NAGS: variants seen among roughly 807,000 people sequenced by gnomAD.
NAGS encodes N-acetylglutamate synthase, mitochondrial.
NAGS carries 34 observed loss-of-function variants against 46.9 expected under a neutral mutation model. The ratio of observed to expected loss-of-function variants is 0.72; its 90% CI spans 0.55 to 0.97. The LOEUF (loss-of-function observed/expected upper bound fraction) is 0.97, where lower values mean the gene tolerates loss of function less well. Ranked by LOEUF, NAGS falls within the 50% of genes least tolerant of loss-of-function variation. The pLI is 0.00. For missense variants in NAGS, 665 were observed against 747.0 expected, an observed-to-expected ratio of 0.89 and a Z score of 1.28; for synonymous variants, 334 against 346.3, an observed-to-expected ratio of 0.96 and a Z score of 0.39.
chr17:44,006,230 G>A lies in NAGS; in HGVS notation c.908G>A (p.Ser303Asn). ...AACACAGGCGGCCTGCGCGACAGCA[G>A]TCATAAGGTGCGGCCCTTTCTTTCA... ...LNNTGGLRDS[S>N]HKVLSNVNLP... The change falls in exon 3 of 7, where the codon AGT (serine) becomes AAT (asparagine). Residue 303 changes from serine (S) to asparagine (N), a missense_variant. Transcript: ENST00000293404. This position sits in a 1 kb window ranked among gnomAD's most constrained non-coding sequence, Gnocchi z 4.8. The A allele has an allele frequency of 6.2e-7, 1 of 1,613,154 alleles. No homozygotes were observed.
Position 44,007,255 on chromosome 17 carries a change from C to T in NAGS, c.1097-68C>T, listed in dbSNP as rs1375520176. ...AATTGTCCCACCAGCGCCTGTCCTA[C>T]CTGCAGTCCCCACCAGGCTGCGCAA... On this transcript the variant is annotated intron_variant, in intron 4 of 6. Coordinates refer to ENST00000293404, the MANE Select transcript of NAGS (RefSeq NM_153006.3). The surrounding 1 kb of genome is among the most constrained non-coding windows in gnomAD (Gnocchi z 5.1). 2.7e-6 allele frequency: 4 copies of T among 1,506,832 alleles called. No homozygotes were observed. Among genetic ancestry groups the T allele is most frequent in the Non-Finnish European group, 3.6e-6 (4 of 1,100,142 alleles). The allele number at this position is 1,506,832 out of a possible 1,614,324, so 93.3% of individuals were successfully genotyped here.
rs917552178 is a variant in NAGS at position 44,007,581 on chromosome 17, G to A, written c.1269-10G>A. On this transcript the variant is annotated splice_polypyrimidine_tract_variant and intron_variant, in intron 5 of 6. Transcript: ENST00000293404. This position sits in a 1 kb window ranked among gnomAD's most constrained non-coding sequence, Gnocchi z 5.1. ...AGAGGTCCCAGCCTGCCGCTCTCCCGCTGCGCCAGGTACAACGCCGCCGCC... is the reference window on the plus strand; with the variant it reads ...AGAGGTCCCAGCCTGCCGCTCTCCCACTGCGCCAGGTACAACGCCGCCGCC... 1 of 1,610,882 alleles carries A rather than the reference G, an allele frequency of 6.2e-7. No individual in the cohort carries two copies. The highest frequency in any genetic ancestry group is 8.5e-7 in the Non-Finnish European group (1 of 1,178,790).
Position 44,008,555 on chromosome 17 carries a change from G to A in NAGS, c.1559G>A (p.Gly520Glu), listed in dbSNP as rs779967046. The A allele has an allele frequency of 6.2e-7, 1 of 1,614,248 alleles. No homozygotes were observed. The highest frequency in any genetic ancestry group is 1.1e-5 in the South Asian group (1 of 91,086). ...DSYELVNHAKGLPDSFHKPAS... is the reference protein window; with the variant it reads ...DSYELVNHAKELPDSFHKPAS... ...TATGAGTTGGTCAACCACGCCAAGG[G>A]ACTGCCAGACTCCTTTCACAAGCCA... is the stretch of plus-strand genomic sequence containing the variant. The change falls in exon 7 of 7, where the codon GGA (glycine) becomes GAA (glutamate). Residue 520 changes from glycine (G) to glutamate (E), a missense_variant. Transcript: ENST00000293404.
At position 44,005,846 on chromosome 17, in the gene NAGS, C is replaced by T. The variant is rs767989838; in HGVS notation, c.636C>T (p.Ala212=). 6 of 1,562,760 alleles carry T rather than the reference C, an allele frequency of 3.8e-6. No homozygotes were observed. Among genetic ancestry groups the T allele is most frequent in the South Asian group, 3.5e-5 (3 of 85,178 alleles). Residue 212 remains alanine, a synonymous_variant, in exon 2 of 7, where the codon GCC becomes GCT. Transcript: ENST00000293404. This position sits in a 1 kb window ranked among gnomAD's most constrained non-coding sequence, Gnocchi z 7.2. ...TAGACGCGCTTCGACACAACGCCGC[C>T]GCTGCTGTGCCATTTTTTGGCGGCG... ...VLVDALRHNA[A]AAVPFFGGGS...
chr17:44,004,801 G>A lies in NAGS; in HGVS notation c.138G>A (p.Gly46=), dbSNP rs1245449968. 2.9e-6 allele frequency: 4 copies of A among 1,375,226 alleles called. No individual in the cohort carries two copies. Among genetic ancestry groups the A allele is most frequent in the Admixed American group, 3.5e-5 (1 of 28,654 alleles). 85.2% of individuals were successfully genotyped at this position (1,375,226 alleles called of 1,614,324 possible). Residue 46 remains glycine (G), a synonymous_variant, in exon 1 of 7, where the codon GGG becomes GGA. Coordinates refer to ENST00000293404, the MANE Select transcript of NAGS (RefSeq NM_153006.3). ...RRRAARGTSP[G]RRLSTAWSQP... is the part of the protein sequence containing the mutation. ...GGGCGGCGAGGGGCACCAGCCCGGG[G>A]CGCCGGCTCAGCACCGCCTGGTCGC...
Position 44,005,495 on chromosome 17 carries a change from G to C in NAGS, c.427-142G>C. On this transcript the variant is annotated intron_variant, in intron 1 of 6. Transcript: ENST00000293404. This position sits in a 1 kb window ranked among gnomAD's most constrained non-coding sequence, Gnocchi z 7.2. ...GCAAGACCCAACGGGGCAAAGGGCG[G>C]AGCAGGTGGGCACTGGTGGCCAGAA... 1.7e-6 allele frequency: 2 copies of C among 1,166,808 alleles called. No homozygotes were observed. Among genetic ancestry groups the C allele is most frequent in the Non-Finnish European group, 2.4e-6 (2 of 819,698 alleles). 72.3% of individuals were successfully genotyped at this position (1,166,808 alleles called of 1,614,324 possible).
At position 44,007,669 on chromosome 17, in the gene NAGS, C is replaced by T. The variant is rs759863903; in HGVS notation, c.1347C>T (p.Ser449=). 2 of 1,603,226 alleles carry T rather than the reference C, an allele frequency of 1.2e-6. No individual in the cohort carries two copies. Among genetic ancestry groups the T allele is most frequent in the East Asian group, 4.5e-5 (2 of 44,274 alleles). ...TPYLDKFVVS[S]SRQGQGSGQM... ...ACCTGGACAAATTTGTGGTGAGCTC[C>T]AGCCGCCAGGGCCAAGGCTCCGGCC... The change falls in exon 6 of 7, where the codon TCC becomes TCT. Residue 449 remains serine (S), a synonymous_variant. Coordinates refer to ENST00000293404, the MANE Select transcript of NAGS (RefSeq NM_153006.3). This position sits in a 1 kb window ranked among gnomAD's most constrained non-coding sequence, Gnocchi z 5.1.
rs780510141 is a variant in NAGS at position 44,004,728 on chromosome 17, G to A, written c.65G>A (p.Arg22Gln). ...GCTGTAGCCCCGAGGCTGAGAGGCC[G>A]GGGAGGCACTGGGGGCGCCCGAAGG... Reference protein sequence around the residue: ...AAAVAPRLRGRGGTGGARRLS... With the variant: ...AAAVAPRLRGQGGTGGARRLS... The change falls in exon 1 of 7, where the codon CGG (arginine) becomes CAG (glutamine). Residue 22 changes from arginine to glutamine, a missense_variant. Arg to Gln is a conservative substitution (Grantham distance 43, BLOSUM62 1). Coordinates refer to ENST00000293404, the MANE Select transcript of NAGS (RefSeq NM_153006.3). 5.4e-6 allele frequency: 8 copies of A among 1,488,430 alleles called. No homozygotes were observed. Among genetic ancestry groups the A allele is most frequent in the South Asian group, 1.4e-5 (1 of 72,628 alleles). 92.2% of individuals were successfully genotyped at this position (1,488,430 alleles called of 1,614,324 possible). A position where few individuals can be genotyped will look rare whatever the true frequency, so the allele number is the denominator to read the frequency against.
chr17:44,004,903 G>A lies in NAGS; in HGVS notation c.240G>A (p.Trp80Ter), dbSNP rs1160583311. The A allele has an allele frequency of 6.5e-7, 1 of 1,534,118 alleles. No individual in the cohort carries two copies. Among genetic ancestry groups the A allele is most frequent in the Admixed American group, 2.0e-5 (1 of 50,962 alleles). The change falls in exon 1 of 7, where the codon TGG becomes TGA. Residue 80 changes from tryptophan to a stop codon, truncating the protein, a stop_gained. Transcript: ENST00000293404. LOFTEE classifies it high-confidence loss of function. ...CGCCCGTCGCCGAGGAGCCGTCGTGGGTGCCGAGTCCCAGGCCCCCGGTGC... is the reference window on the plus strand; with the variant it reads ...CGCCCGTCGCCGAGGAGCCGTCGTGAGTGCCGAGTCCCAGGCCCCCGGTGC... ...SQSPVAEEPS[W>*]VPSPRPPVPH...
rs766125863 is a variant in NAGS at position 44,004,695 on chromosome 17, G to A, written c.32G>A (p.Arg11Gln). MATALMAVVL[R>Q]AAAVAPRLRG... ...ACGGCGCTGATGGCTGTGGTTCTGC[G>A]GGCAGCTGCTGTAGCCCCGAGGCTG... Residue 11 changes from arginine to glutamine, a missense_variant, in exon 1 of 7, where the codon CGG becomes CAG. Arg to Gln is a conservative substitution (Grantham distance 43). Coordinates refer to ENST00000293404, the MANE Select transcript of NAGS (RefSeq NM_153006.3). The A allele has an allele frequency of 2.0e-6, 3 of 1,530,354 alleles. No individual in the cohort carries two copies. Among genetic ancestry groups the A allele is most frequent in the South Asian group, 1.3e-5 (1 of 79,184 alleles). The allele number at this position is 1,530,354 out of a possible 1,614,324, so 94.8% of individuals were successfully genotyped here.
Position 44,006,268 on chromosome 17 carries a change from C to A in NAGS, c.915+31C>A, listed in dbSNP as rs2049090195. 6 of 1,606,328 alleles carry A rather than the reference C, an allele frequency of 3.7e-6. No individual in the cohort carries two copies. The highest frequency in any genetic ancestry group is 5.1e-6 in the Non-Finnish European group (6 of 1,176,410). ...GCCCTTTCTTTCACCTTCCCCCACG[C>A]CGGCGATCCGGGCCTTCTCTTGCGC... On this transcript the variant is annotated intron_variant, in intron 3 of 6. Transcript: ENST00000293404. The surrounding 1 kb of genome is among the most constrained non-coding windows in gnomAD (Gnocchi z 4.8).
chr17:44,006,967 T>C lies in NAGS; in HGVS notation c.1096+258T>C, dbSNP rs1293849682. 3 of 197,612 alleles carry C rather than the reference T, an allele frequency of 1.5e-5. No individual in the cohort carries two copies. The African/African-American group carries it at 1.5e-4, about 10-fold the overall frequency. 12.2% of individuals were successfully genotyped at this position (197,612 alleles called of 1,614,324 possible). A position where few individuals can be genotyped will look rare whatever the true frequency, so the allele number is the denominator to read the frequency against. On this transcript the variant is annotated intron_variant, in intron 4 of 6. Transcript: ENST00000293404. The surrounding 1 kb of genome is among the most constrained non-coding windows in gnomAD (Gnocchi z 4.8). ...GGGGGGAGAAGGAGGGGCCCCCCGGTGGGCGGGGCCAGGGGCGGGACCATA... is the reference window on the plus strand; with the variant it reads ...GGGGGGAGAAGGAGGGGCCCCCCGGCGGGCGGGGCCAGGGGCGGGACCATA...
At position 44,006,891 on chromosome 17, in the gene NAGS, C is replaced by CCAGT; in HGVS notation, c.1096+183_1096+186dup. 1.5e-6 allele frequency: 1 copy of CCAGT among 645,294 alleles called. No individual in the cohort carries two copies. The allele number at this position is 645,294 out of a possible 1,614,324, so 40.0% of individuals were successfully genotyped here. On this transcript the variant is annotated intron_variant, in intron 4 of 6. Transcript: ENST00000293404. This position sits in a 1 kb window ranked among gnomAD's most constrained non-coding sequence, Gnocchi z 4.8. The stretch of plus-strand genomic sequence containing the variant: ...CGGGGGAGGTGAGAGAGGAGGAGAC[C>CCAGT]CAGTGTACTGGAAGGGAACTCCGAA...
Position 44,006,366 on chromosome 17 carries a change from A to C in NAGS, c.915+129A>C. The C allele has an allele frequency of 2.8e-6, 4 of 1,448,856 alleles. No individual in the cohort carries two copies. Among genetic ancestry groups the C allele is most frequent in the Non-Finnish European group, 3.8e-6 (4 of 1,056,952 alleles). The allele number at this position is 1,448,856 out of a possible 1,614,324, so 89.8% of individuals were successfully genotyped here. On this transcript the variant is annotated intron_variant, in intron 3 of 6. Transcript: ENST00000293404. The surrounding 1 kb of genome is among the most constrained non-coding windows in gnomAD (Gnocchi z 4.8). ...TGGGTAGAAAAGCCTAAGGGAGTAT[A>C]GGGGAGGAGTTCAGCCCTGGGTGCC...
rs1483447934 is a variant in NAGS at position 44,007,445 on chromosome 17, T to C, written c.1219T>C (p.Tyr407His). ...CTTCGGCAAGAAGCTCAGGGACGACTACCTGGCCTCGCTGCGCCCGCGGCT... is the reference window on the plus strand; with the variant it reads ...CTTCGGCAAGAAGCTCAGGGACGACCACCTGGCCTCGCTGCGCCCGCGGCT... ...ASFGKKLRDD[Y>H]LASLRPRLHS... The change falls in exon 5 of 7, where the codon TAC (tyrosine) becomes CAC (histidine). Residue 407 changes from tyrosine to histidine, a missense_variant. By Grantham distance (83) the Tyr-to-His change is moderately conservative (BLOSUM62 2). Transcript: ENST00000293404. This position sits in a 1 kb window ranked among gnomAD's most constrained non-coding sequence, Gnocchi z 5.1. 1 of 1,613,894 alleles carries C rather than the reference T, an allele frequency of 6.2e-7. No homozygotes were observed. The highest frequency in any genetic ancestry group is 8.5e-7 in the Non-Finnish European group (1 of 1,180,004).
Position 44,007,977 on chromosome 17 carries a change from C to T in NAGS, c.1451+204C>T, listed in dbSNP as rs1407224714. 6.6e-6 allele frequency among the ~76,000 whole-genome samples: 1 copy of T among 152,104 alleles called. No homozygotes were observed. The highest frequency in any genetic ancestry group is 1.5e-5 in the Non-Finnish European group (1 of 68,010). On this transcript the variant is annotated intron_variant, in intron 6 of 6. Transcript: ENST00000293404. The surrounding 1 kb of genome is among the most constrained non-coding windows in gnomAD (Gnocchi z 5.1). ...CTCCTTTTCTGGCAGCAAGTGACAC[C>T]TCCTAAGCCCCACGCAGCCCACCTC...
In NAGS at chr17:44,007,137, T is replaced by C. The variant is rs2049104537; in HGVS notation, c.1097-186T>C. ...CAGGAGGAACTTGGGGCACAATCTCTGCCTGGGGAAAGCATCTCCTTGAAT... is the reference window on the plus strand; with the variant it reads ...CAGGAGGAACTTGGGGCACAATCTCCGCCTGGGGAAAGCATCTCCTTGAAT... On this transcript the variant is annotated intron_variant, in intron 4 of 6. Coordinates refer to ENST00000293404, the MANE Select transcript of NAGS (RefSeq NM_153006.3). The surrounding 1 kb of genome is among the most constrained non-coding windows in gnomAD (Gnocchi z 5.1). 1.6e-6 allele frequency: 1 copy of C among 641,616 alleles called. No individual in the cohort carries two copies. The highest frequency in any genetic ancestry group is 1.8e-5 in the African/African-American group (1 of 54,668). The allele number at this position is 641,616 out of a possible 1,614,324, so 39.7% of individuals were successfully genotyped here.
rs1421664939 is a variant in NAGS, at chr17:44,006,954, A to AG, written c.1096+249dup. ...ATGGGCGGGACTAGGGGGGAGAAGG[A>AG]GGGGCCCCCCGGTGGGCGGGGCCAG... On this transcript the variant is annotated intron_variant, in intron 4 of 6. Transcript: ENST00000293404. The surrounding 1 kb of genome is among the most constrained non-coding windows in gnomAD (Gnocchi z 4.8). The AG allele has an allele frequency of 1.3e-4, 22 of 165,066 alleles. No homozygotes were observed. Among genetic ancestry groups the AG allele is most frequent in the Admixed American group, 9.3e-4 (8 of 8,564 alleles). The allele number at this position is 165,066 out of a possible 1,614,324, so 10.2% of individuals were successfully genotyped here.
Position 44,005,377 on chromosome 17 carries a change from A to G in NAGS, c.427-260A>G, listed in dbSNP as rs960177287. On this transcript the variant is annotated intron_variant, in intron 1 of 6. Coordinates refer to ENST00000293404, the MANE Select transcript of NAGS (RefSeq NM_153006.3). The surrounding 1 kb of genome is among the most constrained non-coding windows in gnomAD (Gnocchi z 7.2). ...AGGGGTTCAGAAGGACCTGGACAGG[A>G]GCCGCTTGCACTGCCCCTCCCCCAA... is the stretch of plus-strand genomic sequence containing the variant. Among the ~76,000 whole-genome samples, 1 of 152,190 alleles carries G rather than the reference A, an allele frequency of 6.6e-6. No homozygotes were observed. Among genetic ancestry groups the G allele is most frequent in the Non-Finnish European group, 1.5e-5 (1 of 68,030 alleles).
Sources: gnomAD v4.1 joint callset for allele counts (sites outside exome capture counted in the v4.1 genomes callset) on GRCh38, gnomAD v4.1.1 for gene constraint, Gnocchi (gnomAD v3.1) non-coding constraint, MANE v1.5 for transcripts, NCBI Gene and HGNC (gene_info 2026-07-23, HGNC 2026-07-21) for gene names.